The following RABGAP1 variants were observed in gnomAD, a reference collection of about 807,000 sequenced individuals.
RABGAP1 encodes the protein rab GTPase-activating protein 1.
RABGAP1 carries 23 observed loss-of-function variants against 137.6 expected under a neutral mutation model. The observed-to-expected ratio is 0.17, with a 90% confidence interval of 0.12 to 0.24. RABGAP1 has a LOEUF of 0.24. Among genes scored for constraint, RABGAP1 ranks in the 10% least tolerant of loss-of-function variants. The probability of loss-of-function intolerance (pLI) is 1.00; values close to 1 mark genes in which losing one functional copy is unlikely to be tolerated. For missense variants in RABGAP1, 906 were observed against 1,275.8 expected, an observed-to-expected ratio of 0.71 and a Z score of 4.42; for synonymous variants, 451 against 450.7, an observed-to-expected ratio of 1.00 and a Z score of -0.01.
chr9:123,078,275 A>T (rs940052086), intron 19 of RABGAP1, among the ~76,000 whole-genome samples: 1 of 152,338 alleles, frequency 6.6e-6, no homozygotes, highest in Admixed American at 6.5e-5. Flanking sequence ...AACTTCTGGT[A>T]ATTAAAATAA....
intron 13 of RABGAP1, among the ~76,000 whole-genome samples, chr9:123,022,204 A>G (rs2031683939): frequency 6.6e-6 from 1 of 152,180 alleles, no homozygotes; most frequent in South Asian, 2.1e-4. Flanking sequence ...TTTTGGTAAG[A>G]CTATTCATAA....
rs550676270 is a variant in RABGAP1, at chr9:122,966,923, G to A, written c.150+9714G>A. Among the ~76,000 whole-genome samples the A allele has an allele frequency of 8.5e-5, 13 of 152,282 alleles. No homozygotes were observed. In the South Asian group the frequency reaches 1.2e-3, roughly 15 times the overall value. The stretch of plus-strand genomic sequence containing the variant: ...TCTGTTTTAAAAACCATCAGATCTC[G>A]TGAGACTCACTATCATGAGAACAGC... On this transcript the variant is annotated intron_variant, in intron 2 of 25. Coordinates refer to ENST00000373647, the MANE Select transcript of RABGAP1 (RefSeq NM_012197.4).
chr9:123,013,515 A>G (rs2030986423), intron 11 of RABGAP1, among the ~76,000 whole-genome samples: 1 of 152,102 alleles, frequency 6.6e-6, no homozygotes, highest in Admixed American at 6.5e-5. Flanking sequence ...ATGTTTTAGT[A>G]GAGATGGGGT....
chr9:122,956,787 T>C (rs944652971), intron 1 of RABGAP1, among the ~76,000 whole-genome samples: 1 of 152,212 alleles, frequency 6.6e-6, no homozygotes, highest in Non-Finnish European at 1.5e-5. Flanking sequence ...GGAATATGTT[T>C]TATTTATTTT....
intron 14 of RABGAP1, chr9:123,065,691 T>C: frequency 2.2e-6 from 1 of 453,728 alleles, no homozygotes; most frequent in Non-Finnish European, 4.0e-6. Context: ...TCAGGATTTT[T>C]AGATGACAGT....
intron 11 of RABGAP1, among the ~76,000 whole-genome samples, chr9:123,012,104 C>A (rs2030860133): frequency 6.6e-6 from 1 of 152,230 alleles, no homozygotes; most frequent in African/African-American, 2.4e-5. Flanking sequence ...TCATCTCTTG[C>A]ATTTAGTTCA....
chr9:122,936,632 T>C (rs1833391764), upstream of RABGAP1, among the ~76,000 whole-genome samples: 1 of 152,200 alleles, frequency 6.6e-6, no homozygotes, highest in African/African-American at 2.4e-5. Flanking sequence ...CTCCAAATAC[T>C]GGCTGTCGAC....
chr9:123,054,770 T>C (rs1226716690), intron 13 of RABGAP1, among the ~76,000 whole-genome samples: 1 of 152,236 alleles, frequency 6.6e-6, no homozygotes, highest in Non-Finnish European at 1.5e-5. Flanking sequence ...TTTTAAGGAA[T>C]ACTGCTCAGA....
intron 19 of RABGAP1, among the ~76,000 whole-genome samples, chr9:123,083,740 GC>G (rs1017631604): frequency 2.0e-5 from 3 of 152,132 alleles, no homozygotes; most frequent in Non-Finnish European, 4.4e-5. Context: ...TTTTATCCTG[GC>G]TCCGCCTCTG....
intron 13 of RABGAP1, among the ~76,000 whole-genome samples, chr9:123,045,024 A>G (rs2033145720): frequency 6.6e-6 from 1 of 152,252 alleles, no homozygotes; most frequent in Admixed American, 6.5e-5. Flanking sequence ...TATCTTTACA[A>G]GAAATTATTA....
intron 2 of RABGAP1, among the ~76,000 whole-genome samples, chr9:122,966,208 T>C (rs1396295440): frequency 2.0e-5 from 3 of 152,184 alleles, no homozygotes; most frequent in African/African-American, 7.2e-5. Context: ...CTGCCATCAA[T>C]AGTATTTACA....
chr9:122,996,755 T>G (rs1837040353), intron 8 of RABGAP1, 150 bp downstream of exon 8: 1 of 684,336 alleles, frequency 1.5e-6, no homozygotes, highest in South Asian at 2.2e-5. Flanking sequence ...ATAATTTCCT[T>G]TTTCCTGACT....
chr9:123,093,112 T>G (rs894454994), intron 21 of RABGAP1, among the ~76,000 whole-genome samples: 1 of 152,226 alleles, frequency 6.6e-6, no homozygotes, highest in Non-Finnish European at 1.5e-5. Context: ...GACTTAGGTT[T>G]TTGAAAGAAC....
chr9:123,015,175 A>G (rs935370650), intron 11 of RABGAP1, among the ~76,000 whole-genome samples: 1 of 152,102 alleles, frequency 6.6e-6, no homozygotes, highest in Non-Finnish European at 1.5e-5. Flanking sequence ...GGTAGTTTGA[A>G]ATTTTTTAAG....
intron 16 of RABGAP1, among the ~76,000 whole-genome samples, 196 bp downstream of exon 16, chr9:123,073,873 A>T (rs756369173): frequency 1.3e-5 from 2 of 152,188 alleles, no homozygotes; most frequent in Non-Finnish European, 2.9e-5. Flanking sequence ...CACCTCATGG[A>T]TGTGAGCTGA....
intron 13 of RABGAP1, among the ~76,000 whole-genome samples, chr9:123,050,863 CTG>C (rs1447553745): frequency 3.9e-5 from 6 of 152,108 alleles, no homozygotes; most frequent in Non-Finnish European, 8.8e-5. Context: ...TTAGGAGAAA[CTG>C]TTTTTTGATG....
At chr9:122,957,596 T>C (rs1834596128) in intron 2 of RABGAP1, among the ~76,000 whole-genome samples, 3 of 152,146 alleles carry the variant, frequency 2.0e-5, no homozygotes, top group Non-Finnish European at 4.4e-5. Flanking sequence ...TTGAAACAAC[T>C]TTAAATACCT....
intron 21 of RABGAP1, among the ~76,000 whole-genome samples, chr9:123,096,913 CCAAA>C (rs2035201473): frequency 6.6e-6 from 1 of 152,152 alleles, no homozygotes. Flanking sequence ...CCTGTTTCTT[CCAAA>C]GAAGATACAG....
intron 13 of RABGAP1, among the ~76,000 whole-genome samples, chr9:123,050,907 C>T (rs963794255): frequency 6.6e-6 from 1 of 152,066 alleles, no homozygotes; most frequent in African/African-American, 2.4e-5. Context: ...GATGTCCTCA[C>T]CACCATGAAA....
Sources: allele counts gnomAD v4.1 joint callset (sites outside exome capture counted in the v4.1 genomes callset), GRCh38; gene constraint gnomAD v4.1.1; transcripts MANE v1.5; gene names NCBI Gene and HGNC (gene_info 2026-07-23, HGNC 2026-07-21).